The following MPP7 variants were observed in gnomAD, a reference collection of about 807,000 sequenced individuals.
The protein encoded by MPP7 is MAGUK p55 scaffold protein 7, also known as MAGUK p55 subfamily member 7.
In MPP7, 60 loss-of-function variants were observed where a neutral mutation model predicts 76.5. The observed-to-expected ratio is 0.78, with a 90% CI of 0.64 to 0.97. MPP7 has a LOEUF of 0.97. Among genes scored for constraint, MPP7 ranks in the 50% least tolerant of loss-of-function variants. The probability of loss-of-function intolerance (pLI) is 0.00; values close to 1 mark genes in which losing one functional copy is unlikely to be tolerated. For synonymous variants in MPP7, 237 were observed against 244.5 expected (o/e 0.97, Z 0.29); for missense variants, 641 against 694.0 (o/e 0.92, Z 0.86).
In MPP7 at chr10:28,052,610, C is replaced by A. The variant is rs1851399298; in HGVS notation, c.*1455G>T. 6.6e-6 allele frequency: 1 copy of A among 152,588 alleles called. No individual in the cohort carries two copies. The highest frequency in any genetic ancestry group is 1.5e-5 in the Non-Finnish European group (1 of 68,030). The allele number at this position is 152,588 out of a possible 1,614,324, so 9.5% of individuals were successfully genotyped here. A position where few individuals can be genotyped will look rare whatever the true frequency, so the allele number is the denominator to read the frequency against. On this transcript the variant is annotated 3_prime_UTR_variant, in exon 17 of 17. Coordinates refer to ENST00000683449, the MANE Select transcript of MPP7 (RefSeq NM_001318170.2). The stretch of plus-strand genomic sequence containing the variant: ...ATGTTGACCATGATTTATAAAACTA[C>A]TCTTTTAAATTAGGACATCTTGACA...
chr10:28,303,898 A>G (rs1475767780), upstream of MPP7, among the ~76,000 whole-genome samples: 17 of 152,230 alleles, frequency 1.1e-4, no homozygotes, highest in Non-Finnish European at 1.5e-5. Flanking sequence ...TAACCAACAC[A>G]TAATGTGGAC....
At chr10:28,284,666 A>T (rs1840753862) in intron 1 of MPP7, among the ~76,000 whole-genome samples, 1 of 152,150 alleles carries the variant, frequency 6.6e-6, no homozygotes, top group African/African-American at 2.4e-5. Flanking sequence ...TGGGGGGAAT[A>T]TTGGAGTAAA....
chr10:28,146,767 T>C (rs1416409309), intron 5 of MPP7, among the ~76,000 whole-genome samples: 2 of 152,150 alleles, frequency 1.3e-5, no homozygotes, highest in African/African-American at 4.8e-5. Flanking sequence ...ATGTAACCTA[T>C]ATGTAATTCT....
Position 28,228,256 on chromosome 10 carries a change from G to A in MPP7, c.37+10312C>T, listed in dbSNP as rs148930353. ...AACAAAGTAATTTCATGACACTGAC[G>A]ATATCAGTAAAATCCACTTTTGTTT... On this transcript the variant is annotated intron_variant, in intron 2 of 16. Coordinates refer to ENST00000683449, the MANE Select transcript of MPP7 (RefSeq NM_001318170.2). 1.5e-4 allele frequency among the ~76,000 whole-genome samples: 23 copies of A among 152,190 alleles called. No homozygotes were observed. The South Asian group carries it at 1.7e-3, about 11-fold the overall frequency.
At chr10:28,288,159 T>C (rs1303701943) in intron 1 of MPP7, among the ~76,000 whole-genome samples, 2 of 152,210 alleles carry the variant, frequency 1.3e-5, no homozygotes, top group African/African-American at 4.8e-5. Flanking sequence ...CCACCACCAC[T>C]CTTTCCCTAA....
intron 12 of MPP7, among the ~76,000 whole-genome samples, chr10:28,085,334 G>A (rs556085046): frequency 1.3e-5 from 2 of 152,270 alleles, no homozygotes; most frequent in Admixed American, 1.3e-4. Context: ...TCATGATGAG[G>A]ACTGAAGGAA....
chr10:28,115,656 T>A (rs367829265), intron 11 of MPP7, among the ~76,000 whole-genome samples: 17 of 152,358 alleles, frequency 1.1e-4, no homozygotes, highest in African/African-American at 3.8e-4. Context: ...TATTCCTAAG[T>A]GTTAAGACAT....
At chr10:28,212,600 A>T (rs1838176095) in intron 2 of MPP7, among the ~76,000 whole-genome samples, 1 of 152,192 alleles carries the variant, frequency 6.6e-6, no homozygotes, top group African/African-American at 2.4e-5. Context: ...TGAGATCCCC[A>T]GGAGCATGAG....
intron 11 of MPP7, among the ~76,000 whole-genome samples, chr10:28,094,633 T>C (rs962126307): frequency 3.3e-5 from 5 of 151,294 alleles, no homozygotes; most frequent in Admixed American, 3.3e-4. Flanking sequence ...CTAGCAAAAA[T>C]AAAAAAAAGC....
chr10:28,151,439 A>G (rs1277768643), intron 3 of MPP7, among the ~76,000 whole-genome samples: 3 of 152,360 alleles, frequency 2.0e-5, no homozygotes, highest in Admixed American at 6.5e-5. Context: ...TTAAATAATT[A>G]TCGAGAATTA....
chr10:28,234,785 G>C (rs1839012792), intron 2 of MPP7, among the ~76,000 whole-genome samples: 1 of 148,282 alleles, frequency 6.7e-6, no homozygotes, highest in South Asian at 2.1e-4. Flanking sequence ...AAAGTCTTTT[G>C]GATTTTGTTG....
chr10:28,090,950 C>A (rs976473291), intron 11 of MPP7, among the ~76,000 whole-genome samples: 2 of 152,040 alleles, frequency 1.3e-5, no homozygotes, highest in Non-Finnish European at 2.9e-5. Flanking sequence ...AGTTTAAGAC[C>A]AGGTGGGGCA....
At chr10:28,086,965 A>G (rs1853041949) in intron 12 of MPP7, among the ~76,000 whole-genome samples, 1 of 151,968 alleles carries the variant, frequency 6.6e-6, no homozygotes, top group Non-Finnish European at 1.5e-5. Context: ...TTCCCATTTT[A>G]TTTTTCCCTC....
At chr10:28,193,256 A>G (rs1489694520) in intron 3 of MPP7, among the ~76,000 whole-genome samples, 1 of 144,752 alleles carries the variant, frequency 6.9e-6, no homozygotes, top group Non-Finnish European at 1.5e-5. Flanking sequence ...TCTGTCGCCC[A>G]GGCTGGAGTG....
rs549621404 is a variant in MPP7 at position 28,316,435 on chromosome 10, TAAAAAAA to T, written c.-132+13487_-132+13493del. Among the ~76,000 whole-genome samples the T allele has an allele frequency of 1.4e-3, 51 of 37,146 alleles. 2 individuals carry two copies. The highest frequency in any genetic ancestry group is 1.7e-3 in the African/African-American group (20 of 11,914). The allele number at this position is 37,146 out of a possible 152,430, so 24.4% of individuals were successfully genotyped here. On this transcript the variant is annotated intron_variant, in intron 2 of 11. Coordinates refer to the MPP7 transcript ENST00000441595. Reference sequence around the variant, plus strand: ...GGGCAACAGAGTAAGACTCTGTCTTTAAAAAAAAAAAAAAAAAAAAAAAAAAAAAAAA... The same window carrying T: ...GGGCAACAGAGTAAGACTCTGTCTTTAAAAAAAAAAAAAAAAAAAAAAAAA...
intron 2 of MPP7, among the ~76,000 whole-genome samples, chr10:28,323,129 A>G (rs1401720624): frequency 6.6e-6 from 1 of 152,044 alleles, no homozygotes; most frequent in East Asian, 1.9e-4. Context: ...TACTAAAAAT[A>G]CAAACAATTA....
intron 11 of MPP7, among the ~76,000 whole-genome samples, chr10:28,106,581 A>G (rs907642013): frequency 6.6e-6 from 1 of 152,228 alleles, no homozygotes; most frequent in African/African-American, 2.4e-5. Flanking sequence ...TGAATCATTT[A>G]CAGTTAACCA....
At chr10:28,298,515 T>A (rs1007706453) in intron 1 of MPP7, among the ~76,000 whole-genome samples, 2 of 152,194 alleles carry the variant, frequency 1.3e-5, no homozygotes, top group African/African-American at 4.8e-5. Context: ...AACCACGCCA[T>A]AAACAGATGT....
chr10:28,240,921 T>C (rs897455899), intron 1 of MPP7, among the ~76,000 whole-genome samples: 2 of 152,134 alleles, frequency 1.3e-5, no homozygotes, highest in Non-Finnish European at 1.5e-5. Flanking sequence ...CCAATATATA[T>C]GCATGTATGT....
Sources: gnomAD v4.1 joint callset for allele counts (sites outside exome capture counted in the v4.1 genomes callset) on GRCh38, gnomAD v4.1.1 for gene constraint, MANE v1.5 for transcripts, NCBI Gene and HGNC (gene_info 2026-07-23, HGNC 2026-07-21) for gene names.